The following PLLP variants were observed in gnomAD, a reference collection of about 807,000 sequenced individuals.
The protein encoded by PLLP is plasmolipin, also known as plasma membrane proteolipid (plasmolipin).
In PLLP, 15 loss-of-function variants were observed where a neutral mutation model predicts 19.7. The observed-to-expected ratio is 0.76, with a 90% confidence interval of 0.51 to 1.17. The LOEUF is 1.17. Among genes scored for constraint, PLLP ranks in the 50% most tolerant of loss-of-function variants. The pLI is 0.00. For synonymous variants in PLLP, 111 were observed against 116.3 expected (o/e 0.95, Z 0.29); for missense variants, 255 against 258.3 (o/e 0.99, Z 0.09).
chr16:57,269,788 T>C (rs1404893832), intron 1 of PLLP, among the ~76,000 whole-genome samples: 6 of 152,130 alleles, frequency 3.9e-5, no homozygotes, highest in African/African-American at 1.2e-4. Flanking sequence ...ATTTATCTGA[T>C]GGAGTCTCGC....
chr16:57,257,852 C>G (rs1172505315), intron 3 of PLLP, among the ~76,000 whole-genome samples: 2 of 152,278 alleles, frequency 1.3e-5, no homozygotes, highest in African/African-American at 4.8e-5. Flanking sequence ...GACCCTAAGG[C>G]AGTGTGGCAC....
chr16:57,266,004 T>C (rs1489752854), intron 1 of PLLP, among the ~76,000 whole-genome samples: 1 of 152,150 alleles, frequency 6.6e-6, no homozygotes, highest in East Asian at 1.9e-4. Context: ...CCAGCCTAGG[T>C]GACAGAGACC....
rs144284178 is a variant in PLLP at position 57,259,882 on chromosome 16, C to T, written c.310-1298G>A. Among the ~76,000 whole-genome samples the T allele has an allele frequency of 1.0e-4, 15 of 150,592 alleles. No homozygotes were observed. The East Asian group carries it at 2.4e-3, about 24-fold the overall frequency. ...ATCCCAGCTACACAGGAGGCTGAGG[C>T]GGAAGAATCACTTGAACCTGGGAGG... On this transcript the variant is annotated intron_variant, in intron 2 of 3. Transcript: ENST00000219207.
At chr16:57,284,300 G>T (rs1901254956) in intron 1 of PLLP, 106 bp downstream of exon 1, 7 of 1,027,798 alleles carry the variant, frequency 6.8e-6, no homozygotes, top group Non-Finnish European at 9.0e-6. Flanking sequence ...AGCCCGGGTG[G>T]GGAGCGCAAG....
At position 57,262,000 on chromosome 16, in the gene PLLP, A is replaced by ACC; in HGVS notation, c.204_205dup (p.Val69GlyfsTer2). 1 of 1,613,198 alleles carries ACC rather than the reference A, an allele frequency of 6.2e-7. No individual in the cohort carries two copies. The highest frequency in any genetic ancestry group is 8.5e-7 in the Non-Finnish European group (1 of 1,179,904). On this transcript the variant is annotated frameshift_variant, in exon 2 of 4. Transcript: ENST00000219207. LOFTEE classifies it high-confidence loss of function. ...CCAGAGGAAGACAGCGACGAACATC[A>ACC]CCCAGCCATAGGCCGGATACAGGTG...
chr16:57,258,540 G>A lies in PLLP; in HGVS notation c.354C>T (p.Ala118=). Reference sequence around the variant, plus strand: ...CAACTGCCGCAGAGCAGGCGATGAAGGCGGTGATGTAGAGAACGGTGGCGC... The same window carrying A: ...CAACTGCCGCAGAGCAGGCGATGAAAGCGGTGATGTAGAGAACGGTGGCGC... ...NISATVLYIT[A]FIACSAAVDL... The change falls in exon 3 of 4, where the codon GCC becomes GCT. Residue 118 remains alanine (A), a synonymous_variant. Transcript: ENST00000219207. 6.2e-7 allele frequency: 1 copy of A among 1,613,540 alleles called. No homozygotes were observed. The highest frequency in any genetic ancestry group is 1.1e-5 in the South Asian group (1 of 91,072).
At chr16:57,274,260 G>T (rs2146447660) in intron 1 of PLLP, among the ~76,000 whole-genome samples, 1 of 152,178 alleles carries the variant, frequency 6.6e-6, no homozygotes, top group African/African-American at 2.4e-5. Flanking sequence ...TGGCATTACA[G>T]GTGTGAGCCA....
At chr16:57,272,121 T>C (rs1258125596) in intron 1 of PLLP, among the ~76,000 whole-genome samples, 1 of 152,200 alleles carries the variant, frequency 6.6e-6, no homozygotes, top group Non-Finnish European at 1.5e-5. Flanking sequence ...CCCCAGGGCC[T>C]TCCTCCTTCT....
intron 1 of PLLP, chr16:57,263,294 G>A (rs948614958): frequency 6.6e-6 from 1 of 152,280 alleles, no homozygotes; most frequent in Non-Finnish European, 1.5e-5. Context: ...CACACGGCAG[G>A]ATGGGCCTGA....
chr16:57,260,422 G>A (rs1330772476), intron 2 of PLLP, among the ~76,000 whole-genome samples: 1 of 152,092 alleles, frequency 6.6e-6, no homozygotes, highest in Admixed American at 6.5e-5. Context: ...CCCTGAGCCC[G>A]GAAGTCAAGG....
intron 1 of PLLP, among the ~76,000 whole-genome samples, chr16:57,277,285 C>T (rs1901165208): frequency 6.6e-6 from 1 of 152,172 alleles, no homozygotes; most frequent in Admixed American, 6.5e-5. Context: ...ATTGTAAATA[C>T]ATTACCTATT....
intron 2 of PLLP, among the ~76,000 whole-genome samples, chr16:57,258,916 G>A (rs2075434054): frequency 1.4e-5 from 1 of 72,026 alleles, no homozygotes; most frequent in Non-Finnish European, 2.3e-5. Context: ...GTGAGATCCT[G>A]TCTCAAAAAA....
intron 1 of PLLP, among the ~76,000 whole-genome samples, chr16:57,265,290 G>A (rs1245721827): frequency 6.6e-6 from 1 of 152,238 alleles, no homozygotes; most frequent in Non-Finnish European, 1.5e-5. Flanking sequence ...CACCTGGAGA[G>A]GCCACGAACC....
At chr16:57,277,369 C>G (rs1430931189) in intron 1 of PLLP, among the ~76,000 whole-genome samples, 2 of 152,218 alleles carry the variant, frequency 1.3e-5, no homozygotes, top group Non-Finnish European at 2.9e-5. Flanking sequence ...GCGGGCGGAT[C>G]ACCTGAGGTC....
chr16:57,263,177 AC>A (rs1567529613), intron 1 of PLLP: 2 of 151,762 alleles, frequency 1.3e-5, no homozygotes, highest in Admixed American at 6.6e-5. Flanking sequence ...CCTGCCCAAC[AC>A]CCCACGTCTC....
intron 1 of PLLP, among the ~76,000 whole-genome samples, chr16:57,277,274 C>T (rs1327599107): frequency 6.6e-6 from 1 of 152,192 alleles, no homozygotes; most frequent in South Asian, 2.1e-4. Flanking sequence ...TATTCTTGAG[C>T]ATTGTAAATA....
chr16:57,270,933 G>C (rs1226712444), intron 1 of PLLP, among the ~76,000 whole-genome samples: 1 of 152,094 alleles, frequency 6.6e-6, no homozygotes, highest in Non-Finnish European at 1.5e-5. Flanking sequence ...TAAACAAACT[G>C]TGCCAGGCGC....
chr16:57,267,422 C>T (rs2075460971), intron 1 of PLLP, among the ~76,000 whole-genome samples: 1 of 151,956 alleles, frequency 6.6e-6, no homozygotes, highest in Non-Finnish European at 1.5e-5. Flanking sequence ...CAAAAATTAG[C>T]CGGGCATGGT....
chr16:57,256,326 A>C lies in PLLP; in HGVS notation c.*587T>G. On this transcript the variant is annotated 3_prime_UTR_variant, in exon 4 of 4. Coordinates refer to ENST00000219207, the MANE Select transcript of PLLP (RefSeq NM_015993.3). ...GCTTTTCAGCACTGAGAAATCACTTAAAACTGATTTGCTTTCAGTAACTGG... is the reference window on the plus strand; with the variant it reads ...GCTTTTCAGCACTGAGAAATCACTTCAAACTGATTTGCTTTCAGTAACTGG... 1 of 342,238 alleles carries C rather than the reference A, an allele frequency of 2.9e-6. No homozygotes were observed. The allele number at this position is 342,238 out of a possible 1,614,324, so 21.2% of individuals were successfully genotyped here. A position where few individuals can be genotyped will look rare whatever the true frequency, so the allele number is the denominator to read the frequency against.
Sources: allele counts gnomAD v4.1 joint callset (sites outside exome capture counted in the v4.1 genomes callset), GRCh38; gene constraint gnomAD v4.1.1; transcripts MANE v1.5; gene names NCBI Gene and HGNC (gene_info 2026-07-23, HGNC 2026-07-21).